The following MTTP variants were observed in gnomAD, a reference collection of about 807,000 sequenced individuals.
MTTP encodes the protein microsomal triglyceride transfer protein large subunit.
A neutral mutation model predicts 90.6 loss-of-function variants in MTTP; 49 were observed. The observed-to-expected ratio is 0.54, with a 90% CI of 0.43 to 0.69. The LOEUF (loss-of-function observed/expected upper bound fraction) is 0.69. MTTP is among the 30% of genes least tolerant of loss of function. The pLI is 0.00. For missense variants in MTTP, 945 were observed against 1,067.5 expected (o/e 0.89, Z 1.60); for synonymous variants, 347 against 384.2 (o/e 0.90, Z 1.13).
At chr4:99,618,650 T>A (rs1726156280) in intron 15 of MTTP, among the ~76,000 whole-genome samples, 1 of 152,182 alleles carries the variant, frequency 6.6e-6, no homozygotes, top group Non-Finnish European at 1.5e-5. Context: ...TCCCAGGCAA[T>A]GCTGATGCTG....
intron 8 of MTTP, 26 bp downstream of exon 8, chr4:99,597,250 G>T: frequency 6.2e-7 from 1 of 1,609,938 alleles, no homozygotes; most frequent in Non-Finnish European, 8.5e-7. Context: ...TTTGTGTGGG[G>T]TTGTCTGTCA....
rs1374742520 is a variant in MTTP at position 99,609,552 on chromosome 4, C to T, written c.1769+575C>T. 3.9e-5 allele frequency among the ~76,000 whole-genome samples: 6 copies of T among 152,108 alleles called. No individual in the cohort carries two copies. In the East Asian group the frequency reaches 1.2e-3, roughly 29 times the overall value. ...GCAAAGTGGCTCCCCCAAGGTGCCT[C>T]CTCCCTGGAATTAGAGGGTCAGAGA... is the stretch of plus-strand genomic sequence containing the variant. On this transcript the variant is annotated intron_variant, in intron 12 of 17. Transcript: ENST00000265517.
In MTTP at chr4:99,607,104, G is replaced by T; in HGVS notation, c.1557+144G>T. The stretch of plus-strand genomic sequence containing the variant: ...CCTGCTTAAAAATAACTCTTAAATT[G>T]CATTTGCGGCTATTCTAAATATCCT... On this transcript the variant is annotated intron_variant, in intron 11 of 17. Coordinates refer to ENST00000265517, the MANE Select transcript of MTTP (RefSeq NM_001386140.1). 4.2e-6 allele frequency: 3 copies of T among 721,410 alleles called. No individual in the cohort carries two copies. In the Admixed American group the frequency reaches 7.4e-5, roughly 18 times the overall value. 44.7% of individuals were successfully genotyped at this position (721,410 alleles called of 1,614,324 possible). A position where few individuals can be genotyped will look rare whatever the true frequency, so the allele number is the denominator to read the frequency against.
chr4:99,582,206 A>T, intron 2 of MTTP, 114 bp downstream of exon 2: 1 of 1,084,974 alleles, frequency 9.2e-7, no homozygotes, highest in Non-Finnish European at 1.4e-6. Context: ...TTAGTTTCTT[A>T]TCTATCACTA....
At chr4:99,600,445 A>C in intron 8 of MTTP, 120 bp from the exon 9 acceptor site, 2 of 1,049,816 alleles carry the variant, frequency 1.9e-6, no homozygotes, top group Non-Finnish European at 2.8e-6. Context: ...ATTTGTTCAA[A>C]TTAAAAAAAA....
intron 11 of MTTP, among the ~76,000 whole-genome samples, chr4:99,608,243 G>A (rs1380870782): frequency 6.6e-6 from 1 of 151,912 alleles, no homozygotes; most frequent in Non-Finnish European, 1.5e-5. Context: ...TCAGGAATTC[G>A]AGACCAGACT....
In MTTP at chr4:99,600,791, A is replaced by G. The variant is rs998359442; in HGVS notation, c.1236+58A>G. On this transcript the variant is annotated intron_variant, in intron 9 of 17. Coordinates refer to ENST00000265517, the MANE Select transcript of MTTP (RefSeq NM_001386140.1). ...CCTATAAAACTTCTTAAGAATATTA[A>G]CAGTAATTAAAAGTTTCTTAGATCT... 7 of 1,541,298 alleles carry G rather than the reference A, an allele frequency of 4.5e-6. No homozygotes were observed. In the African/African-American group the frequency reaches 6.9e-5, roughly 15 times the overall value.
intron 1 of MTTP, among the ~76,000 whole-genome samples, chr4:99,577,206 TG>T (rs1425326172): frequency 6.6e-6 from 1 of 152,152 alleles, no homozygotes; most frequent in African/African-American, 2.4e-5. Context: ...ATTTAAAATT[TG>T]GGGATCCCAT....
intron 15 of MTTP, among the ~76,000 whole-genome samples, chr4:99,613,696 T>C (rs1726020580): frequency 6.6e-6 from 1 of 152,220 alleles, no homozygotes; most frequent in Non-Finnish European, 1.5e-5. Context: ...TCTTAGAGTA[T>C]AGGAGTACTT....
chr4:99,606,699 C>T lies in MTTP; in HGVS notation c.1345-49C>T, dbSNP rs747829721. 2.0e-5 allele frequency: 31 copies of T among 1,578,350 alleles called. No individual in the cohort carries two copies. The Admixed American group carries it at 4.8e-4, about 25-fold the overall frequency. ...AGAATAAAGCCAGTCTCACCCAAGT[C>T]TTCTTCAATGTATGGTCATGCATAT... is the stretch of plus-strand genomic sequence containing the variant. On this transcript the variant is annotated intron_variant, in intron 10 of 17. Transcript: ENST00000265517.
At chr4:99,612,289 T>TA (rs1311612123) in intron 14 of MTTP, among the ~76,000 whole-genome samples, 1 of 152,002 alleles carries the variant, frequency 6.6e-6, no homozygotes, top group African/African-American at 2.4e-5. Flanking sequence ...AAGGGCTGGG[T>TA]ATGGAGGACA....
At chr4:99,622,545 C>T (rs1027948317) in intron 17 of MTTP, 132 bp from the exon 18 acceptor site, 1 of 904,346 alleles carries the variant, frequency 1.1e-6, no homozygotes, top group Non-Finnish European at 1.8e-6. Context: ...CATGGAGTAG[C>T]CTTTGACACT....
intron 12 of MTTP, among the ~76,000 whole-genome samples, chr4:99,610,840 C>A (rs6532823): frequency 0.1 from 15,889 of 152,224 alleles, 998 homozygotes; most frequent in Middle Eastern, 0.2. Flanking sequence ...AAAACCATGA[C>A]GAATCAAAGA....
At chr4:99,608,433 A>C (rs1725871665) in intron 11 of MTTP, among the ~76,000 whole-genome samples, 1 of 152,180 alleles carries the variant, frequency 6.6e-6, no homozygotes, top group African/African-American at 2.4e-5. Flanking sequence ...CAACAAAGCG[A>C]GACTCTGCCT....
At chr4:99,607,008 A>AT in intron 11 of MTTP, 48 bp downstream of exon 11, 1 of 1,506,702 alleles carries the variant, frequency 6.6e-7, no homozygotes, top group Non-Finnish European at 9.1e-7. Flanking sequence ...AAAAAAAAAA[A>AT]GCATGCTGAA....
At chr4:99,588,602 G>A (rs949036788) in intron 3 of MTTP, among the ~76,000 whole-genome samples, 5 of 151,282 alleles carry the variant, frequency 3.3e-5, no homozygotes, top group African/African-American at 1.2e-4. Context: ...TCCTTTCTCT[G>A]CCTTCTGATG....
intron 14 of MTTP, among the ~76,000 whole-genome samples, chr4:99,612,142 A>C (rs2110232491): frequency 6.6e-6 from 1 of 152,320 alleles, no homozygotes; most frequent in African/African-American, 2.4e-5. Context: ...CAATGCTATA[A>C]AAACTTGAGT....
At chr4:99,599,134 T>G (rs1725637402) in intron 8 of MTTP, among the ~76,000 whole-genome samples, 1 of 152,180 alleles carries the variant, frequency 6.6e-6, no homozygotes, top group South Asian at 2.1e-4. Context: ...TTAACAGGTA[T>G]GCAAAAAGGA....
intron 7 of MTTP, 69 bp downstream of exon 7, chr4:99,594,952 C>T: frequency 6.4e-7 from 1 of 1,561,504 alleles, no homozygotes. Context: ...CCAGTGAAAG[C>T]ATCAACTCAT....
Sources: allele counts gnomAD v4.1 joint callset (sites outside exome capture counted in the v4.1 genomes callset), GRCh38; gene constraint gnomAD v4.1.1; transcripts MANE v1.5; gene names NCBI Gene and HGNC (gene_info 2026-07-23, HGNC 2026-07-21).